KCNAB1: variants seen among roughly 807,000 people sequenced by gnomAD.
The protein encoded by KCNAB1 is voltage-gated potassium channel subunit beta-1.
In KCNAB1, 35 loss-of-function variants were observed where a neutral mutation model predicts 64.6. That is an observed-to-expected ratio of 0.54 (90% CI 0.41 to 0.72). The LOEUF (loss-of-function observed/expected upper bound fraction) is 0.72, where lower values mean the gene tolerates loss of function less well. Among genes scored for constraint, KCNAB1 ranks in the 30% least tolerant of loss-of-function variants. The probability of loss-of-function intolerance (pLI) is 0.00; values close to 1 mark genes in which losing one functional copy is unlikely to be tolerated. For synonymous variants in KCNAB1, 177 were observed against 183.8 expected (o/e 0.96, Z 0.30); for missense variants, 401 against 512.9 (o/e 0.78, Z 2.11).
At chr3:156,179,090 G>C (rs1050304919) in intron 1 of KCNAB1, among the ~76,000 whole-genome samples, 2 of 150,730 alleles carry the variant, frequency 1.3e-5, no homozygotes, top group African/African-American at 4.9e-5. Flanking sequence ...GTGATTCTTT[G>C]AGAATCACCA....
intron 1 of KCNAB1, among the ~76,000 whole-genome samples, chr3:156,250,385 G>T (rs1717747042): frequency 6.6e-6 from 1 of 152,100 alleles, no homozygotes; most frequent in Admixed American, 6.6e-5. Flanking sequence ...AGGAAAAAGG[G>T]ATTTCATTAT....
chr3:156,483,424 C>T (rs959324204), intron 8 of KCNAB1, among the ~76,000 whole-genome samples: 5 of 151,988 alleles, frequency 3.3e-5, no homozygotes, highest in African/African-American at 4.8e-5. Flanking sequence ...TGTTTGATGT[C>T]GTATGCATAT....
intron 1 of KCNAB1, among the ~76,000 whole-genome samples, chr3:156,233,290 A>G (rs1454407281): frequency 2.0e-5 from 3 of 152,178 alleles, no homozygotes; most frequent in African/African-American, 7.2e-5. Flanking sequence ...AATGGAGGAT[A>G]TGGGAGAACA....
At chr3:156,266,459 A>G (rs897913074) in intron 1 of KCNAB1, among the ~76,000 whole-genome samples, 11 of 152,220 alleles carry the variant, frequency 7.2e-5, no homozygotes, top group Admixed American at 7.2e-4. Context: ...GAATTCAAAA[A>G]GCACCTCTCT....
intron 1 of KCNAB1, among the ~76,000 whole-genome samples, chr3:156,404,890 T>C (rs913901973): frequency 1.3e-5 from 2 of 152,198 alleles, no homozygotes; most frequent in South Asian, 2.1e-4. Flanking sequence ...TGATGCTGCA[T>C]GTATCTGTTT....
intron 1 of KCNAB1, among the ~76,000 whole-genome samples, chr3:156,159,452 T>C (rs533344144): frequency 1.3e-5 from 2 of 152,220 alleles, no homozygotes; most frequent in African/African-American, 2.4e-5. Context: ...AAGGAACACA[T>C]TAAAAACTCA....
intron 1 of KCNAB1, among the ~76,000 whole-genome samples, chr3:156,412,850 G>A (rs946862797): frequency 7.2e-5 from 11 of 152,280 alleles, no homozygotes; most frequent in Admixed American, 3.9e-4. Flanking sequence ...TTGCTGACTG[G>A]CTGTAGAGAC....
intron 1 of KCNAB1, among the ~76,000 whole-genome samples, chr3:156,280,939 A>G (rs1276504320): frequency 4.7e-5 from 7 of 148,354 alleles, no homozygotes; most frequent in South Asian, 2.2e-4. Context: ...CTCTTTTCCT[A>G]ATTGAATACC....
intron 8 of KCNAB1, among the ~76,000 whole-genome samples, chr3:156,506,968 G>A (rs796386899): frequency 4.5e-4 from 68 of 152,290 alleles, no homozygotes; most frequent in African/African-American, 1.6e-3. Flanking sequence ...AATGCAAAGG[G>A]ATGGATGGAT....
chr3:156,450,594 CAA>C (rs1711917182), intron 2 of KCNAB1, among the ~76,000 whole-genome samples: 2 of 152,178 alleles, frequency 1.3e-5, no homozygotes, highest in African/African-American at 4.8e-5. Context: ...CTGCAGCATT[CAA>C]AAGAGACTCT....
At position 156,379,013 on chromosome 3, in the gene KCNAB1, A is replaced by C. The variant is rs537788506; in HGVS notation, c.276-42603A>C. Among the ~76,000 whole-genome samples, 4 of 152,316 alleles carry C rather than the reference A, an allele frequency of 2.6e-5. No homozygotes were observed. The South Asian group carries it at 8.3e-4, about 32-fold the overall frequency. ...CAGAGCTGTGGGGGCTCTTGCCTGC[A>C]AGGATCATGCTTTCTGTGGGACTTA... is the stretch of plus-strand genomic sequence containing the variant. On this transcript the variant is annotated intron_variant, in intron 1 of 13. Transcript: ENST00000490337.
In KCNAB1 at chr3:156,327,570, C is replaced by T. The variant is rs146220033; in HGVS notation, c.276-94046C>T. Among the ~76,000 whole-genome samples the T allele has an allele frequency of 3.1e-3, 479 of 152,104 alleles. 5 individuals carry two copies. Among genetic ancestry groups the T allele is most frequent in the African/African-American group, 0.011 (454 of 41,498 alleles). On this transcript the variant is annotated intron_variant, in intron 1 of 13. Coordinates refer to ENST00000490337, the MANE Select transcript of KCNAB1 (RefSeq NM_172160.3). ...CAGATATAGTACTATGGGCTAGATC[C>T]GGGGCTTACATAAGTAAGTAACTCA...
chr3:156,353,607 G>C (rs75619722), intron 1 of KCNAB1, among the ~76,000 whole-genome samples: 10,501 of 152,306 alleles, frequency 0.069, 432 homozygotes, highest in East Asian at 0.17. Context: ...CTGAGCTGAA[G>C]TCATCTCAGG....
upstream of KCNAB1, among the ~76,000 whole-genome samples, chr3:156,120,348 G>A (rs1303414121): frequency 6.6e-6 from 1 of 152,224 alleles, no homozygotes; most frequent in Non-Finnish European, 1.5e-5. Context: ...CCAAACTTCA[G>A]TATTACAAAG....
intron 8 of KCNAB1, among the ~76,000 whole-genome samples, chr3:156,500,440 AC>A (rs1716322706): frequency 6.6e-6 from 1 of 152,190 alleles, no homozygotes; most frequent in African/African-American, 2.4e-5. Flanking sequence ...AAGAAAAAAA[AC>A]CTAATTAATA....
intron 1 of KCNAB1, among the ~76,000 whole-genome samples, chr3:156,253,231 T>C (rs1481576864): frequency 6.6e-6 from 1 of 152,212 alleles, no homozygotes; most frequent in African/African-American, 2.4e-5. Flanking sequence ...GTAGCAGTTG[T>C]TTTGTTTTCT....
intron 1 of KCNAB1, among the ~76,000 whole-genome samples, chr3:156,335,957 G>A (rs897944863): frequency 3.3e-5 from 5 of 150,170 alleles, no homozygotes; most frequent in Admixed American, 1.3e-4. Flanking sequence ...TCATTTTTGT[G>A]AAGTTGATTT....
At chr3:156,241,466 G>A (rs1216528536) in intron 1 of KCNAB1, among the ~76,000 whole-genome samples, 1 of 152,194 alleles carries the variant, frequency 6.6e-6, no homozygotes, top group Non-Finnish European at 1.5e-5. Context: ...CAGCTGTGCT[G>A]TCATCTCAGG....
intron 1 of KCNAB1, among the ~76,000 whole-genome samples, chr3:156,207,133 A>G (rs184798678): frequency 2.8e-4 from 43 of 152,326 alleles, no homozygotes; most frequent in Non-Finnish European, 4.3e-4. Context: ...TGCAACCCAG[A>G]AGGCAGACCT....
Sources: allele counts gnomAD v4.1 joint callset (sites outside exome capture counted in the v4.1 genomes callset), GRCh38; gene constraint gnomAD v4.1.1; transcripts MANE v1.5; gene names NCBI Gene and HGNC (gene_info 2026-07-23, HGNC 2026-07-21).